Variants in SSRP1 observed in about 807,000 individuals in gnomAD.
SSRP1 encodes the protein structure specific recognition protein 1, also known as FACT complex subunit SSRP1.
A neutral mutation model predicts 84.4 loss-of-function variants in SSRP1; 21 were observed. The observed-to-expected ratio is 0.25, with a 90% CI of 0.18 to 0.36. The LOEUF (loss-of-function observed/expected upper bound fraction) is 0.36, where lower values mean the gene tolerates loss of function less well. Ranked by LOEUF, SSRP1 falls within the 10% of genes least tolerant of loss-of-function variation. The pLI is 1.00. For synonymous variants in SSRP1, 319 were observed against 318.3 expected (o/e 1.00, Z -0.02); for missense variants, 519 against 900.8 (o/e 0.58, Z 5.43).
Position 57,335,472 on chromosome 11 carries a change from G to C in SSRP1, c.-119-232C>G. 1 of 323,940 alleles carries C rather than the reference G, an allele frequency of 3.1e-6. No individual in the cohort carries two copies. The allele number at this position is 323,940 out of a possible 1,614,324, so 20.1% of individuals were successfully genotyped here. ...ACGCCCGCTCTGGCCGCTCCGGCGGGAGCCATGGCAACGAGCAGCGGAACC... is the reference window on the plus strand; with the variant it reads ...ACGCCCGCTCTGGCCGCTCCGGCGGCAGCCATGGCAACGAGCAGCGGAACC... On this transcript the variant is annotated intron_variant, in intron 1 of 16. Coordinates refer to ENST00000278412, the MANE Select transcript of SSRP1 (RefSeq NM_003146.3). The surrounding 1 kb of genome is among the most constrained non-coding windows in gnomAD (Gnocchi z 4.6).
rs142261788 is a variant in SSRP1, at chr11:57,326,463, C to T, written c.2074G>A (p.Glu692Lys). Residue 692 changes from glutamate to lysine, a missense_variant, in exon 17 of 17, where the codon GAA (glutamate) becomes AAA (lysine). By Grantham distance (56) the Glu-to-Lys change is moderately conservative (BLOSUM62 1). Coordinates refer to ENST00000278412, the MANE Select transcript of SSRP1 (RefSeq NM_003146.3). ...GAGCTGGGGGGAGTACTGGCTAGTTCTTCTTCTTCAGAGTCCTGAAAACCA... is the reference window on the plus strand; with the variant it reads ...GAGCTGGGGGGAGTACTGGCTAGTTTTTCTTCTTCAGAGTCCTGAAAACCA... ...RRRSEDSEEE[E>K]LASTPPSSED... is the part of the protein sequence containing the mutation. The T allele has an allele frequency of 1.2e-6, 2 of 1,613,864 alleles. No homozygotes were observed. The highest frequency in any genetic ancestry group is 2.2e-5 in the South Asian group (2 of 91,076).
In SSRP1 at chr11:57,333,560, A is replaced by G. The variant is rs769116565; in HGVS notation, c.241-20T>C. The G allele has an allele frequency of 1.3e-6, 2 of 1,584,508 alleles. No homozygotes were observed. The highest frequency in any genetic ancestry group is 8.7e-7 in the Non-Finnish European group (1 of 1,153,480). ...AAACTCCTGTGGGTGGAGGGAAGAAAGCACAATCCCAGTAAACCTTGGTGG... is the reference window on the plus strand; with the variant it reads ...AAACTCCTGTGGGTGGAGGGAAGAAGGCACAATCCCAGTAAACCTTGGTGG... On this transcript the variant is annotated intron_variant, in intron 3 of 16. Coordinates refer to ENST00000278412, the MANE Select transcript of SSRP1 (RefSeq NM_003146.3).
intron 9 of SSRP1, 81 bp from the exon 10 acceptor site, chr11:57,331,008 C>T: frequency 6.7e-7 from 1 of 1,491,244 alleles, no homozygotes; most frequent in Non-Finnish European, 9.3e-7. Context: ...ATTCCATGAG[C>T]TGGGGTAGAC....
intron 3 of SSRP1, among the ~76,000 whole-genome samples, chr11:57,333,966 T>C (rs7951793): frequency 0.2 from 30,830 of 152,134 alleles, 3,875 homozygotes; most frequent in African/African-American, 0.36. Context: ...GACTGGGTAA[T>C]GTGGCAAAAC....
chr11:57,331,715 T>G lies in SSRP1; in HGVS notation c.1176A>C (p.Glu392Asp). The change falls in exon 9 of 17, where the codon GAA becomes GAC. Residue 392 changes from glutamate (E) to aspartate (D), a missense_variant. Physicochemically the swap from Glu to Asp is conservative, Grantham distance 45. Coordinates refer to ENST00000278412, the MANE Select transcript of SSRP1 (RefSeq NM_003146.3). ...ACTGAGTGCCCTGCTTGGTCTCAAT[T>G]TCAAAGTCAAAGGAACGAGTAGTAG... ...GTTTTRSFDF[E>D]IETKQGTQYT... The G allele has an allele frequency of 6.2e-7, 1 of 1,614,086 alleles. No homozygotes were observed. The highest frequency in any genetic ancestry group is 8.5e-7 in the Non-Finnish European group (1 of 1,180,016).
At chr11:57,333,338 C>A in intron 4 of SSRP1, 97 bp downstream of exon 4, 1 of 1,217,134 alleles carries the variant, frequency 8.2e-7, no homozygotes, top group South Asian at 1.3e-5. Context: ...GATAGGAAAC[C>A]AGAGACAGTG....
chr11:57,331,926 C>T (rs781670957), intron 8 of SSRP1, 37 bp from the exon 9 acceptor site: 13 of 1,582,308 alleles, frequency 8.2e-6, no homozygotes, highest in Non-Finnish European at 1.1e-5. Flanking sequence ...TAGTGCCAAC[C>T]TCAGCAGAGG....
Position 57,335,160 on chromosome 11 carries a change from G to T in SSRP1, c.-39C>A, listed in dbSNP as rs764671173. 2.5e-6 allele frequency: 4 copies of T among 1,612,632 alleles called. No individual in the cohort carries two copies. In the East Asian group the frequency reaches 8.9e-5, roughly 36 times the overall value. ...TGTGGTGGCCTGGGCAGAGCCCCAG[G>T]CTGCACAAGGGAAACCAAGTAAACT... On this transcript the variant is annotated 5_prime_UTR_variant, in exon 2 of 17. Transcript: ENST00000278412. This position sits in a 1 kb window ranked among gnomAD's most constrained non-coding sequence, Gnocchi z 4.6.
intron 12 of SSRP1, 103 bp from the exon 13 acceptor site, chr11:57,328,529 C>A: frequency 6.7e-7 from 1 of 1,497,796 alleles, no homozygotes; most frequent in Non-Finnish European, 8.9e-7. Context: ...CCAAAAGGGG[C>A]AAGGGAGGAA....
chr11:57,332,284 CAAAG>C lies in SSRP1; in HGVS notation c.873-8_873-5del. 6.2e-7 allele frequency: 1 copy of C among 1,614,086 alleles called. No homozygotes were observed. On this transcript the variant is annotated splice_region_variant and splice_polypyrimidine_tract_variant and intron_variant, in intron 7 of 16. Coordinates refer to ENST00000278412, the MANE Select transcript of SSRP1 (RefSeq NM_003146.3). This position sits in a 1 kb window ranked among gnomAD's most constrained non-coding sequence, Gnocchi z 5.5. ...AAAGCGCTTCTCCACTTCTTCCCTA[CAAAG>C]AAAGCAAGGTGAGGTCACAACACTA...
chr11:57,328,553 T>A, intron 12 of SSRP1, 127 bp from the exon 13 acceptor site: 1 of 1,323,936 alleles, frequency 7.6e-7, no homozygotes, highest in Non-Finnish European at 1.0e-6. Context: ...CAGAGGACAG[T>A]ATCCACCACC....
Position 57,335,493 on chromosome 11 carries a change from G to C in SSRP1, c.-120+237C>G, listed in dbSNP as rs1330972238. The C allele has an allele frequency of 3.2e-6, 1 of 314,806 alleles. No individual in the cohort carries two copies. Among genetic ancestry groups the C allele is most frequent in the South Asian group, 2.9e-5 (1 of 34,616 alleles). The allele number at this position is 314,806 out of a possible 1,614,324, so 19.5% of individuals were successfully genotyped here. A position where few individuals can be genotyped will look rare whatever the true frequency, so the allele number is the denominator to read the frequency against. On this transcript the variant is annotated intron_variant, in intron 1 of 16. Transcript: ENST00000278412. This position sits in a 1 kb window ranked among gnomAD's most constrained non-coding sequence, Gnocchi z 4.6. ...GCGGGAGCCATGGCAACGAGCAGCG[G>C]AACCCCAGGGTCTGCCAGGAGCCCG... is the stretch of plus-strand genomic sequence containing the variant.
rs1856112473 is a variant in SSRP1, at chr11:57,332,438, G to A, written c.817C>T (p.Leu273=). 6 of 1,614,042 alleles carry A rather than the reference G, an allele frequency of 3.7e-6. No individual in the cohort carries two copies. Among genetic ancestry groups the A allele is most frequent in the Non-Finnish European group, 5.1e-6 (6 of 1,180,024 alleles). Residue 273 remains leucine (L), a synonymous_variant, in exon 7 of 17, where the codon CTG becomes TTG. Coordinates refer to ENST00000278412, the MANE Select transcript of SSRP1 (RefSeq NM_003146.3). This position sits in a 1 kb window ranked among gnomAD's most constrained non-coding sequence, Gnocchi z 5.5. Reference sequence around the variant, plus strand: ...TCGTCCTTGGAGAAGAGGAGGATCAGGAAGTGGTAGCGAGTTTGGCCTTGC... The same window carrying A: ...TCGTCCTTGGAGAAGAGGAGGATCAAGAAGTGGTAGCGAGTTTGGCCTTGC... The part of the protein sequence containing the change: ...IKQGQTRYHF[L]ILLFSKDEDI...
intron 3 of SSRP1, 86 bp downstream of exon 3, chr11:57,334,377 T>C: frequency 6.7e-7 from 1 of 1,499,596 alleles, no homozygotes; most frequent in South Asian, 1.3e-5. Context: ...ATCACAGGGT[T>C]ACATGAGGAA....
chr11:57,330,551 G>T lies in SSRP1; in HGVS notation c.1297-122C>A. ...GCAGCTCCCAGAAGACCTGGGGCTGGATTGTCCACACACAGCCAACGTGCA... is the reference window on the plus strand; with the variant it reads ...GCAGCTCCCAGAAGACCTGGGGCTGTATTGTCCACACACAGCCAACGTGCA... On this transcript the variant is annotated intron_variant, in intron 10 of 16. Coordinates refer to ENST00000278412, the MANE Select transcript of SSRP1 (RefSeq NM_003146.3). This position sits in a 1 kb window ranked among gnomAD's most constrained non-coding sequence, Gnocchi z 4.0. The T allele has an allele frequency of 6.7e-7, 1 of 1,485,656 alleles. No individual in the cohort carries two copies. Among genetic ancestry groups the T allele is most frequent in the Non-Finnish European group, 9.0e-7 (1 of 1,114,366 alleles). 92.0% of individuals were successfully genotyped at this position (1,485,656 alleles called of 1,614,324 possible).
At position 57,335,573 on chromosome 11, in the gene SSRP1, C is replaced by T. The variant is rs1856200594; in HGVS notation, c.-120+157G>A. The T allele has an allele frequency of 5.1e-6, 1 of 196,250 alleles. No homozygotes were observed. The highest frequency in any genetic ancestry group is 2.3e-5 in the African/African-American group (1 of 43,678). The allele number at this position is 196,250 out of a possible 1,614,324, so 12.2% of individuals were successfully genotyped here. ...AGTGCAGGGTTTCCCTCGCACCGCT[C>T]CCACCACCCCGCGGCCCCAGACCCA... On this transcript the variant is annotated intron_variant, in intron 1 of 16. Coordinates refer to ENST00000278412, the MANE Select transcript of SSRP1 (RefSeq NM_003146.3). The surrounding 1 kb of genome is among the most constrained non-coding windows in gnomAD (Gnocchi z 4.6).
chr11:57,331,920 G>A (rs1215940858), intron 8 of SSRP1, 31 bp from the exon 9 acceptor site: 2 of 1,586,404 alleles, frequency 1.3e-6, no homozygotes, highest in African/African-American at 2.7e-5. Flanking sequence ...CCTGGTTAGT[G>A]CCAACCTCAG....
At chr11:57,331,440 G>A (rs560716338) in intron 9 of SSRP1, among the ~76,000 whole-genome samples, 10 of 152,094 alleles carry the variant, frequency 6.6e-5, no homozygotes, top group Admixed American at 5.2e-4. Context: ...TTCAGAATAC[G>A]GAAAAAGTTT....
At position 57,330,262 on chromosome 11, in the gene SSRP1, C is replaced by A; in HGVS notation, c.1435+29G>T. 1 of 1,614,216 alleles carries A rather than the reference C, an allele frequency of 6.2e-7. No individual in the cohort carries two copies. The highest frequency in any genetic ancestry group is 1.3e-5 in the African/African-American group (1 of 75,084). ...GCCACAGCGAGGAGCGTCTGACCAT[C>A]CTCGTGCTCAGCACGGAGGCTAACC... On this transcript the variant is annotated intron_variant, in intron 11 of 16. Transcript: ENST00000278412. The surrounding 1 kb of genome is among the most constrained non-coding windows in gnomAD (Gnocchi z 4.0).
Sources: allele counts gnomAD v4.1 joint callset (sites outside exome capture counted in the v4.1 genomes callset), GRCh38; gene constraint gnomAD v4.1.1; non-coding constraint Gnocchi (gnomAD v3.1); transcripts MANE v1.5; gene names NCBI Gene and HGNC (gene_info 2026-07-23, HGNC 2026-07-21).